The following CNTNAP3B variants were observed in gnomAD, a reference collection of about 807,000 sequenced individuals.
CNTNAP3B encodes contactin associated protein family member 3B.
In CNTNAP3B, 25 loss-of-function variants were observed where a neutral mutation model predicts 108.9. The observed-to-expected ratio is 0.23, with a 90% CI of 0.17 to 0.32. The LOEUF (loss-of-function observed/expected upper bound fraction) is 0.32. Among genes scored for constraint, CNTNAP3B ranks in the 10% least tolerant of loss-of-function variants. The pLI is 1.00. For missense variants in CNTNAP3B, 252 were observed against 1,210.4 expected (o/e 0.21, Z 11.75); for synonymous variants, 103 against 473.4 (o/e 0.22, Z 10.16).
At chr9:42,113,348 G>C (rs1447775502) in intron 1 of CNTNAP3B, among the ~76,000 whole-genome samples, 1 of 138,230 alleles carries the variant, frequency 7.2e-6, no homozygotes, top group Non-Finnish European at 1.5e-5. Flanking sequence ...TAAATTTCTT[G>C]CTATGTAGTT....
intron 15 of CNTNAP3B, among the ~76,000 whole-genome samples, chr9:41,925,888 G>A (rs893837628): frequency 3.9e-4 from 59 of 152,188 alleles, no homozygotes; most frequent in East Asian, 1.9e-4. Context: ...TCAAGGAGTC[G>A]TGGTTTCTTT....
In CNTNAP3B at chr9:41,996,313, T is replaced by C. The variant is rs796206928; in HGVS notation, c.963A>G (p.Ser321=). The part of the protein sequence containing the change: ...SFGGILSPGR[S]RAFTRKSFHG... ...GAAAGCTTTTACGTGTGAATGCCCG[T>C]GATCTTCCGGGTGACAGAATTCCCC... Residue 321 remains serine, a synonymous_variant, in exon 7 of 24, where the codon TCA becomes TCG. Transcript: ENST00000377561. 2 of 1,541,710 alleles carry C rather than the reference T, an allele frequency of 1.3e-6. No homozygotes were observed. Among genetic ancestry groups the C allele is most frequent in the African/African-American group, 1.6e-5 (1 of 63,792 alleles).
intron 6 of CNTNAP3B, among the ~76,000 whole-genome samples, 182 bp downstream of exon 6, chr9:41,997,386 A>G (rs1489024747): frequency 1.3e-5 from 2 of 152,210 alleles, no homozygotes; most frequent in African/African-American, 4.8e-5. Flanking sequence ...TTCAAGGTGG[A>G]AAAGATGATC....
intron 2 of CNTNAP3B, among the ~76,000 whole-genome samples, chr9:42,103,488 C>G (rs1408731265): frequency 2.5e-5 from 3 of 119,762 alleles, no homozygotes; most frequent in Non-Finnish European, 5.0e-5. Context: ...CTTCAGGAGG[C>G]TGAGGTGGGT....
At chr9:41,944,695 A>C (rs1224370529) in intron 13 of CNTNAP3B, among the ~76,000 whole-genome samples, 32 of 151,868 alleles carry the variant, frequency 2.1e-4, no homozygotes, top group Non-Finnish European at 3.7e-4. Flanking sequence ...AAGTATCAAT[A>C]ATCACTTTAA....
chr9:41,932,841 G>A (rs1206481973), intron 14 of CNTNAP3B, among the ~76,000 whole-genome samples: 1 of 152,198 alleles, frequency 6.6e-6, no homozygotes, highest in Non-Finnish European at 1.5e-5. Flanking sequence ...TTATTTTGGG[G>A]GAGTAGGTCA....
At chr9:42,065,019 T>C (rs1295425446) in intron 3 of CNTNAP3B, among the ~76,000 whole-genome samples, 1 of 136,620 alleles carries the variant, frequency 7.3e-6, no homozygotes, top group Non-Finnish European at 1.6e-5. Context: ...TTTAAGTTCT[T>C]TGAGAAATCT....
intron 3 of CNTNAP3B, among the ~76,000 whole-genome samples, chr9:42,016,700 TGA>T (rs1174737684): frequency 6.6e-6 from 1 of 151,880 alleles, no homozygotes; most frequent in Non-Finnish European, 1.5e-5. Flanking sequence ...CTGTGGAGAG[TGA>T]GAGTATACAG....
Position 42,098,941 on chromosome 9 carries a change from G to A in CNTNAP3B, c.196+5688C>T, listed in dbSNP as rs1430558318. On this transcript the variant is annotated intron_variant, in intron 2 of 23. Coordinates refer to ENST00000377561, the MANE Select transcript of CNTNAP3B (RefSeq NM_001201380.3). ...CAGGCAGCCTGATACCTGGGCAAAT[G>A]CTTACCTGCCCACATCCGAAGGGCT... Among the ~76,000 whole-genome samples, 2 of 134,692 alleles carry A rather than the reference G, an allele frequency of 1.5e-5. 1 individual carries two copies. The highest frequency in any genetic ancestry group is 6.0e-5 in the African/African-American group (2 of 33,504). The allele number at this position is 134,692 out of a possible 152,430, so 88.4% of individuals were successfully genotyped here. A position where few individuals can be genotyped will look rare whatever the true frequency, so the allele number is the denominator to read the frequency against.
intron 3 of CNTNAP3B, among the ~76,000 whole-genome samples, chr9:42,074,988 C>G (rs1317696420): frequency 4.1e-5 from 6 of 146,682 alleles, no homozygotes; most frequent in African/African-American, 1.3e-4. Flanking sequence ...AGGTGTCTGC[C>G]GGCCGTGCTG....
chr9:41,925,915 A>G (rs1823805720), intron 15 of CNTNAP3B, among the ~76,000 whole-genome samples: 1 of 152,266 alleles, frequency 6.6e-6, no homozygotes, highest in Non-Finnish European at 1.5e-5. Flanking sequence ...AGAGAATGAC[A>G]GAAAATGGTG....
chr9:41,927,473 G>A (rs1398124793), intron 15 of CNTNAP3B, among the ~76,000 whole-genome samples: 1 of 130,258 alleles, frequency 7.7e-6, no homozygotes, highest in Non-Finnish European at 1.7e-5. Flanking sequence ...GGAGGGAGTG[G>A]GGAAGGAAGG....
chr9:41,928,373 T>A (rs1429074238), intron 15 of CNTNAP3B, among the ~76,000 whole-genome samples: 7 of 152,064 alleles, frequency 4.6e-5, no homozygotes, highest in Non-Finnish European at 8.8e-5. Flanking sequence ...GCATCTCAGA[T>A]GAGGAGCCCC....
intron 1 of CNTNAP3B, among the ~76,000 whole-genome samples, chr9:42,111,155 G>A (rs1828186450): frequency 7.2e-6 from 1 of 138,958 alleles, no homozygotes; most frequent in African/African-American, 2.9e-5. Flanking sequence ...ACTGGTTCCA[G>A]GATGGTCAGG....
intron 13 of CNTNAP3B, among the ~76,000 whole-genome samples, chr9:41,947,775 C>A (rs1438060076): frequency 4.6e-5 from 7 of 152,140 alleles, no homozygotes; most frequent in Non-Finnish European, 1.0e-4. Flanking sequence ...TGAAAAACTT[C>A]TATAAAGACT....
At chr9:41,927,441 G>A (rs1244604143) in intron 15 of CNTNAP3B, among the ~76,000 whole-genome samples, 1 of 149,552 alleles carries the variant, frequency 6.7e-6, no homozygotes, top group Admixed American at 6.7e-5. Flanking sequence ...AAGAAAGAGA[G>A]AGAAAGAAAG....
intron 10 of CNTNAP3B, among the ~76,000 whole-genome samples, chr9:41,967,278 T>A (rs1825309273): frequency 6.6e-6 from 1 of 152,278 alleles, no homozygotes; most frequent in Non-Finnish European, 1.5e-5. Context: ...TGCAGGCAGA[T>A]CTTTCTCATG....
At chr9:41,926,004 T>A (rs1823808583) in intron 15 of CNTNAP3B, among the ~76,000 whole-genome samples, 1 of 152,300 alleles carries the variant, frequency 6.6e-6, no homozygotes, top group Non-Finnish European at 1.5e-5. Flanking sequence ...AGGAAATATG[T>A]GTATTTGTAT....
chr9:41,964,995 A>T (rs1825225954), intron 10 of CNTNAP3B, among the ~76,000 whole-genome samples: 1 of 152,260 alleles, frequency 6.6e-6, no homozygotes. Flanking sequence ...TCATTTTTAA[A>T]AGAAAGAAGG....
Sources: allele counts gnomAD v4.1 joint callset (sites outside exome capture counted in the v4.1 genomes callset), GRCh38; gene constraint gnomAD v4.1.1; transcripts MANE v1.5; gene names NCBI Gene and HGNC (gene_info 2026-07-23, HGNC 2026-07-21).